The following RBM27 variants were observed in gnomAD, a reference collection of about 807,000 sequenced individuals.
RBM27 encodes RNA-binding protein 27.
Under a neutral mutation model 135.3 loss-of-function variants are expected in RBM27, and 22 were observed. That is an observed-to-expected ratio of 0.16 (90% CI 0.12 to 0.23). The LOEUF is 0.23. Among genes scored for constraint, RBM27 ranks in the 10% least tolerant of loss-of-function variants. The pLI, the probability that RBM27 is intolerant of heterozygous loss-of-function variation, is 1.00. For missense variants in RBM27, 1,009 were observed against 1,281.0 expected (o/e 0.79, Z 3.24); for synonymous variants, 481 against 442.4 (o/e 1.09, Z -1.10).
At chr5:146,226,026 TA>T (rs1369146797) in intron 3 of RBM27, among the ~76,000 whole-genome samples, 3 of 70,222 alleles carry the variant, frequency 4.3e-5, no homozygotes, top group African/African-American at 1.1e-4. Flanking sequence ...CAAGCCTGCC[TA>T]ATTTTTTTTT....
chr5:146,226,860 C>T (rs566799107), intron 3 of RBM27, among the ~76,000 whole-genome samples: 2 of 152,254 alleles, frequency 1.3e-5, no homozygotes, highest in African/African-American at 2.4e-5. Flanking sequence ...TAGAAAATTA[C>T]ATAACTTATC....
chr5:146,203,852 G>C, intron 1 of RBM27, 28 bp downstream of exon 1: 1 of 1,538,968 alleles, frequency 6.5e-7, no homozygotes, highest in South Asian at 1.2e-5. Context: ...GGCCGGGGCC[G>C]GCGAACGTGG....
At chr5:146,251,912 T>C in intron 9 of RBM27, 37 bp downstream of exon 9, 1 of 1,600,006 alleles carries the variant, frequency 6.2e-7, no homozygotes, top group South Asian at 1.1e-5. Flanking sequence ...ACCTCACTGA[T>C]CTTTTTTACC....
chr5:146,212,661 T>C (rs1381168882), intron 1 of RBM27, among the ~76,000 whole-genome samples: 1 of 152,066 alleles, frequency 6.6e-6, no homozygotes, highest in Admixed American at 6.6e-5. Context: ...GCCATAACCA[T>C]AATTTTTTAA....
Position 146,229,054 on chromosome 5 carries a change from A to T in RBM27, c.395+17A>T, listed in dbSNP as rs1756810658. On this transcript the variant is annotated intron_variant, in intron 4 of 20. Transcript: ENST00000265271. Reference sequence around the variant, plus strand: ...TGAACGAAGGTTTGTGTTTATCTTTAATTAGGAAGACATTGATAACTCACT... The same window carrying T: ...TGAACGAAGGTTTGTGTTTATCTTTTATTAGGAAGACATTGATAACTCACT... The T allele has an allele frequency of 1.4e-5, 23 of 1,600,018 alleles. No individual in the cohort carries two copies. The highest frequency in any genetic ancestry group is 1.9e-5 in the Non-Finnish European group (22 of 1,168,752).
chr5:146,235,646 GT>G (rs199849660), intron 7 of RBM27, among the ~76,000 whole-genome samples: 1 of 149,134 alleles, frequency 6.7e-6, no homozygotes, highest in African/African-American at 2.5e-5. Context: ...ACATGTTGTT[GT>G]TTTTTTTTAA....
chr5:146,255,724 A>G (rs1009666205), intron 10 of RBM27, among the ~76,000 whole-genome samples: 2 of 152,184 alleles, frequency 1.3e-5, no homozygotes, highest in Non-Finnish European at 2.9e-5. Flanking sequence ...TTTTCTAGCT[A>G]TTATGAATTT....
intron 7 of RBM27, 135 bp downstream of exon 7, chr5:146,233,878 A>G (rs1757053251): frequency 1.8e-6 from 1 of 561,742 alleles, no homozygotes. Flanking sequence ...TCCCATAATT[A>G]AGATGCTATT....
At chr5:146,232,163 C>T (rs1756963321) in intron 6 of RBM27, among the ~76,000 whole-genome samples, 1 of 152,196 alleles carries the variant, frequency 6.6e-6, no homozygotes, top group Non-Finnish European at 1.5e-5. Flanking sequence ...TATGCTCCCA[C>T]TCACTTCTGT....
At chr5:146,235,375 G>A (rs1400263345) in intron 7 of RBM27, among the ~76,000 whole-genome samples, 1 of 151,894 alleles carries the variant, frequency 6.6e-6, no homozygotes, top group African/African-American at 2.4e-5. Context: ...GGGCAACATG[G>A]CAAAACCCTG....
intron 1 of RBM27, among the ~76,000 whole-genome samples, chr5:146,207,959 T>TG (rs1755770179): frequency 1.4e-5 from 2 of 142,448 alleles, no homozygotes; most frequent in Admixed American, 7.1e-5. Context: ...AGGTTTTTTT[T>TG]TTTTTTTTTT....
intron 19 of RBM27, among the ~76,000 whole-genome samples, chr5:146,277,923 TAGTC>T (rs1759163093): frequency 6.6e-6 from 1 of 152,160 alleles, no homozygotes; most frequent in African/African-American, 2.4e-5. Context: ...AAGTGCTACT[TAGTC>T]AGTGTGACTG....
intron 8 of RBM27, among the ~76,000 whole-genome samples, chr5:146,243,410 A>G (rs1268766261): frequency 6.6e-6 from 1 of 152,240 alleles, no homozygotes; most frequent in Non-Finnish European, 1.5e-5. Context: ...CTCCAAAATT[A>G]GAAACTTTTT....
At chr5:146,224,368 G>T (rs1756577587) in intron 3 of RBM27, among the ~76,000 whole-genome samples, 1 of 152,008 alleles carries the variant, frequency 6.6e-6, no homozygotes, top group African/African-American at 2.4e-5. Context: ...TTTTAATTTA[G>T]AAATAATTTT....
At chr5:146,231,049 T>C (rs1756907683) in intron 6 of RBM27, 132 bp downstream of exon 6, 1 of 1,104,930 alleles carries the variant, frequency 9.1e-7, no homozygotes, top group Admixed American at 2.7e-5. Flanking sequence ...TGAGACAGAG[T>C]CTTGCTCTGT....
intron 19 of RBM27, among the ~76,000 whole-genome samples, chr5:146,283,920 A>G (rs1759472031): frequency 6.6e-6 from 1 of 152,200 alleles, no homozygotes; most frequent in African/African-American, 2.4e-5. Flanking sequence ...AGCTATAGGG[A>G]TGGCTAAACT....
At position 146,230,672 on chromosome 5, in the gene RBM27, C is replaced by G. The variant is rs746964681; in HGVS notation, c.605C>G (p.Ser202Trp). 6.2e-7 allele frequency: 1 copy of G among 1,614,012 alleles called. No homozygotes were observed. Residue 202 changes from serine to tryptophan, a missense_variant, in exon 6 of 21, where the codon TCG (serine) becomes TGG (tryptophan). Ser to Trp is a radical substitution (Grantham distance 177). Transcript: ENST00000265271. ...PNRNVEHRER[S>W]KFKSERNDLE... The stretch of plus-strand genomic sequence containing the variant: ...CTCCAAGTAGAGCACAGGGAAAGAT[C>G]GAAGTTTAAGAGTGAAAGGAATGAC...
At chr5:146,213,897 C>T (rs1756083231) in intron 1 of RBM27, among the ~76,000 whole-genome samples, 1 of 152,138 alleles carries the variant, frequency 6.6e-6, no homozygotes, top group South Asian at 2.1e-4. Context: ...ATAATTGAAG[C>T]ATGTTCTTAA....
At chr5:146,279,505 A>G (rs2126909665) in intron 19 of RBM27, among the ~76,000 whole-genome samples, 1 of 151,446 alleles carries the variant, frequency 6.6e-6, no homozygotes, top group African/African-American at 2.4e-5. Context: ...AATGTATGCA[A>G]ATGGTTAAAA....
Sources: gnomAD v4.1 joint callset for allele counts (sites outside exome capture counted in the v4.1 genomes callset) on GRCh38, gnomAD v4.1.1 for gene constraint, MANE v1.5 for transcripts, NCBI Gene and HGNC (gene_info 2026-07-23, HGNC 2026-07-21) for gene names.